AFAP1: variants seen among roughly 807,000 people sequenced by gnomAD.
The protein encoded by AFAP1 is actin filament-associated protein 1.
Under a neutral mutation model 93.9 loss-of-function variants are expected in AFAP1, and 75 were observed. The observed-to-expected ratio is 0.80, with a 90% CI of 0.66 to 0.97. AFAP1 has a LOEUF of 0.97. Ranked by LOEUF, AFAP1 falls within the 50% of genes least tolerant of loss-of-function variation. The probability of loss-of-function intolerance (pLI) is 0.00; values close to 1 mark genes in which losing one functional copy is unlikely to be tolerated. For missense variants in AFAP1, 1,201 were observed against 1,050.8 expected (o/e 1.14, Z -1.98); for synonymous variants, 517 against 430.7 (o/e 1.20, Z -2.48).
At chr4:7,847,115 C>A (rs1713792776) in intron 4 of AFAP1, among the ~76,000 whole-genome samples, 1 of 152,172 alleles carries the variant, frequency 6.6e-6, no homozygotes, top group African/African-American at 2.4e-5. Flanking sequence ...AGTCACCGAG[C>A]ACAAAGGATA....
chr4:7,855,041 T>C (rs1219045837), intron 4 of AFAP1, among the ~76,000 whole-genome samples: 1 of 152,234 alleles, frequency 6.6e-6, no homozygotes, highest in Non-Finnish European at 1.5e-5. Flanking sequence ...GACGCCTGTT[T>C]GTGCTGTACC....
At chr4:7,785,306 G>A (rs1463896988) in intron 12 of AFAP1, among the ~76,000 whole-genome samples, 4 of 152,140 alleles carry the variant, frequency 2.6e-5, no homozygotes. Context: ...AGGCCAGACA[G>A]ACCCCCGAGG....
At chr4:7,836,323 G>A (rs919099998) in intron 6 of AFAP1, among the ~76,000 whole-genome samples, 2 of 152,226 alleles carry the variant, frequency 1.3e-5, no homozygotes, top group African/African-American at 4.8e-5. Flanking sequence ...GAAAGCCCAA[G>A]TACTGTAAGA....
intron 1 of AFAP1, among the ~76,000 whole-genome samples, chr4:7,927,204 C>A (rs530198017): frequency 6.6e-6 from 1 of 152,350 alleles, no homozygotes; most frequent in Non-Finnish European, 1.5e-5. Flanking sequence ...ACATACACAG[C>A]TCTAGCAGAG....
intron 8 of AFAP1, among the ~76,000 whole-genome samples, chr4:7,812,652 A>T (rs1304669257): frequency 6.6e-6 from 1 of 152,198 alleles, no homozygotes; most frequent in Non-Finnish European, 1.5e-5. Flanking sequence ...GTATCCAGGC[A>T]CACGCTGGCC....
At chr4:7,817,052 T>C (rs181434241) in intron 7 of AFAP1, among the ~76,000 whole-genome samples, 225 of 152,160 alleles carry the variant, frequency 1.5e-3, no homozygotes, top group African/African-American at 5.1e-3. Context: ...CCAACATAAG[T>C]AAAGCAGAAT....
At chr4:7,846,431 C>T (rs1352855903) in intron 4 of AFAP1, among the ~76,000 whole-genome samples, 2 of 152,146 alleles carry the variant, frequency 1.3e-5, no homozygotes, top group Non-Finnish European at 2.9e-5. Context: ...TGCTGTGCTA[C>T]GATCCAACGT....
chr4:7,878,722 AAGATAGAC>A (rs1339617252), intron 1 of AFAP1, among the ~76,000 whole-genome samples: 6 of 152,246 alleles, frequency 3.9e-5, no homozygotes, highest in Non-Finnish European at 8.8e-5. Flanking sequence ...ATAACCTTTC[AAGATAGAC>A]ACTGTTTTCA....
At chr4:7,902,489 G>A (rs1292608285) in intron 1 of AFAP1, among the ~76,000 whole-genome samples, 1 of 152,106 alleles carries the variant, frequency 6.6e-6, no homozygotes, top group Non-Finnish European at 1.5e-5. Context: ...ACAGAAACTG[G>A]AATGCTCTAG....
intron 1 of AFAP1, among the ~76,000 whole-genome samples, chr4:7,915,243 C>T (rs1337014821): frequency 7.8e-5 from 4 of 51,338 alleles, no homozygotes; most frequent in Non-Finnish European, 1.2e-4. Context: ...TCCATATCCT[C>T]GCCAGCACTT....
rs1713632074 is a variant in AFAP1, at chr4:7,760,544, C to G, written c.*3221G>C. On this transcript the variant is annotated 3_prime_UTR_variant, in exon 18 of 18. Coordinates refer to ENST00000420658, the MANE Select transcript of AFAP1 (RefSeq NM_001134647.2). ...GCTACCAGCCTTGCAGACAGATGGGCCTTGCCCCAGTTCCCCGCAGATTCT... is the reference window on the plus strand; with the variant it reads ...GCTACCAGCCTTGCAGACAGATGGGGCTTGCCCCAGTTCCCCGCAGATTCT... 6.6e-6 allele frequency: 1 copy of G among 152,254 alleles called. No individual in the cohort carries two copies. The highest frequency in any genetic ancestry group is 2.4e-5 in the African/African-American group (1 of 41,474). The allele number at this position is 152,254 out of a possible 1,614,324, so 9.4% of individuals were successfully genotyped here.
intron 5 of AFAP1, among the ~76,000 whole-genome samples, chr4:7,841,689 G>C (rs903561212): frequency 5.9e-5 from 9 of 152,082 alleles, no homozygotes; most frequent in African/African-American, 1.7e-4. Context: ...TTTTTGAAAG[G>C]AAAAAAGCTT....
At chr4:7,837,896 C>A (rs551473809) in intron 6 of AFAP1, among the ~76,000 whole-genome samples, 6 of 151,978 alleles carry the variant, frequency 3.9e-5, no homozygotes, top group Non-Finnish European at 8.8e-5. Flanking sequence ...GCATGTCATG[C>A]GAGCTAACTT....
intron 11 of AFAP1, among the ~76,000 whole-genome samples, chr4:7,787,770 G>C (rs1050879642): frequency 3.9e-5 from 6 of 152,180 alleles, no homozygotes; most frequent in African/African-American, 1.4e-4. Flanking sequence ...AAGTCGCAAG[G>C]TGCTGCCCAG....
At chr4:7,909,923 G>C (rs1444812251) in intron 1 of AFAP1, among the ~76,000 whole-genome samples, 2 of 152,148 alleles carry the variant, frequency 1.3e-5, no homozygotes, top group Admixed American at 1.3e-4. Flanking sequence ...CACATTCATT[G>C]AGATGCTAAG....
At chr4:7,928,186 C>T (rs1321069312) in intron 1 of AFAP1, among the ~76,000 whole-genome samples, 1 of 152,196 alleles carries the variant, frequency 6.6e-6, no homozygotes, top group Non-Finnish European at 1.5e-5. Context: ...CCCAACCCCA[C>T]TCCAGCACAG....
At chr4:7,882,393 ATTC>A (rs1396508880) in intron 1 of AFAP1, among the ~76,000 whole-genome samples, 2 of 116,768 alleles carry the variant, frequency 1.7e-5, no homozygotes, top group South Asian at 2.5e-4. Flanking sequence ...ACATAACCAA[ATTC>A]TTTTTTTTTT....
At chr4:7,824,540 C>T (rs941370902) in intron 6 of AFAP1, among the ~76,000 whole-genome samples, 1 of 152,148 alleles carries the variant, frequency 6.6e-6, no homozygotes, top group Non-Finnish European at 1.5e-5. Flanking sequence ...CGAGTATGTG[C>T]AAAGTCAAGC....
chr4:7,853,680 G>A (rs1714714463), intron 4 of AFAP1, among the ~76,000 whole-genome samples: 1 of 152,132 alleles, frequency 6.6e-6, no homozygotes. Flanking sequence ...TCTCCGATAA[G>A]ACCATAACCC....
Sources: allele counts gnomAD v4.1 joint callset (sites outside exome capture counted in the v4.1 genomes callset), GRCh38; gene constraint gnomAD v4.1.1; transcripts MANE v1.5; gene names NCBI Gene and HGNC (gene_info 2026-07-23, HGNC 2026-07-21).